The following PPFIBP1 variants were observed in gnomAD, a reference collection of about 807,000 sequenced individuals.
The protein encoded by PPFIBP1 is liprin-beta-1.
A neutral mutation model predicts 137.8 loss-of-function variants in PPFIBP1; 112 were observed. That is an observed-to-expected ratio of 0.81 (90% CI 0.70 to 0.95). The LOEUF (loss-of-function observed/expected upper bound fraction) is 0.95, where lower values mean the gene tolerates loss of function less well. PPFIBP1 is among the 40% of genes least tolerant of loss of function. The probability of loss-of-function intolerance (pLI) is 0.00; values close to 1 mark genes in which losing one functional copy is unlikely to be tolerated. For missense variants in PPFIBP1, 1,083 were observed against 1,196.6 expected (o/e 0.91, Z 1.40); for synonymous variants, 378 against 417.3 (o/e 0.91, Z 1.15).
intron 1 of PPFIBP1, among the ~76,000 whole-genome samples, chr12:27,550,275 T>C (rs1946630206): frequency 6.6e-6 from 1 of 152,320 alleles, no homozygotes; most frequent in South Asian, 2.1e-4. Flanking sequence ...TGAAGGGCTC[T>C]GGGTGCCCAT....
chr12:27,651,637 A>C lies in PPFIBP1; in HGVS notation c.603+1496A>C, dbSNP rs188050399. Among the ~76,000 whole-genome samples, 12 of 152,328 alleles carry C rather than the reference A, an allele frequency of 7.9e-5. No homozygotes were observed. In the East Asian group the frequency reaches 1.5e-3, roughly 20 times the overall value. On this transcript the variant is annotated intron_variant, in intron 7 of 29. Transcript: ENST00000228425. ...AGTAAAACTCAGTCAACAGATGGGC[A>C]ACATGGCAGTGGAGCTAGCTCTGCT...
intron 2 of PPFIBP1, among the ~76,000 whole-genome samples, chr12:27,611,028 C>G (rs144267628): frequency 6.6e-6 from 1 of 152,106 alleles, no homozygotes; most frequent in African/African-American, 2.4e-5. Flanking sequence ...AGGTCATTGC[C>G]AGATCTCTCA....
At chr12:27,671,802 TGG>T (rs1316963527) in intron 14 of PPFIBP1, among the ~76,000 whole-genome samples, 6 of 152,236 alleles carry the variant, frequency 3.9e-5, no homozygotes, top group African/African-American at 1.4e-4. Flanking sequence ...CCAAGTGTGG[TGG>T]CTCACGCCTG....
chr12:27,639,579 A>G (rs2057955702), intron 4 of PPFIBP1, among the ~76,000 whole-genome samples: 1 of 152,262 alleles, frequency 6.6e-6, no homozygotes, highest in Admixed American at 6.5e-5. Flanking sequence ...AATTACAAAA[A>G]TACAATTTTC....
chr12:27,675,426 A>G (rs2060457425), intron 17 of PPFIBP1, among the ~76,000 whole-genome samples: 1 of 152,236 alleles, frequency 6.6e-6, no homozygotes, highest in African/African-American at 2.4e-5. Flanking sequence ...AGAGTAAAAT[A>G]ACCACCTAAA....
rs779062987 is a variant in PPFIBP1 at position 27,647,887 on chromosome 12, T to C, written c.471+45T>C. Reference sequence around the variant, plus strand: ...CCAAGATGGGATTTCCCTGCTGAACTATGTGAGATGCTGCATTTCTATGTT... The same window carrying C: ...CCAAGATGGGATTTCCCTGCTGAACCATGTGAGATGCTGCATTTCTATGTT... On this transcript the variant is annotated intron_variant, in intron 6 of 29. Coordinates refer to ENST00000228425, the MANE Select transcript of PPFIBP1 (RefSeq NM_003622.4). 4.5e-6 allele frequency: 7 copies of C among 1,571,926 alleles called. No individual in the cohort carries two copies. In the South Asian group the frequency reaches 6.0e-5, roughly 14 times the overall value.
intron 21 of PPFIBP1, 105 bp from the exon 22 acceptor site, chr12:27,681,441 C>T (rs2060866266): frequency 2.3e-6 from 3 of 1,299,986 alleles, no homozygotes. Context: ...ATGTGTATCA[C>T]CAGGGAATTT....
At chr12:27,534,968 A>G (rs888957385) in intron 1 of PPFIBP1, among the ~76,000 whole-genome samples, 4 of 152,320 alleles carry the variant, frequency 2.6e-5, no homozygotes, top group African/African-American at 9.6e-5. Flanking sequence ...AGAATGTGGT[A>G]CTGAAAACCA....
chr12:27,658,138 GAAAAAAA>G, intron 9 of PPFIBP1, among the ~76,000 whole-genome samples: 1 of 123,002 alleles, frequency 8.1e-6, no homozygotes. Flanking sequence ...TCCTGTCTCT[GAAAAAAA>G]AAAAAAAAAA....
chr12:27,685,447 C>T (rs932668421), intron 24 of PPFIBP1, among the ~76,000 whole-genome samples: 1 of 152,196 alleles, frequency 6.6e-6, no homozygotes, highest in East Asian at 1.9e-4. Context: ...CAGGCTGTTT[C>T]AAGATCCCTG....
In PPFIBP1 at chr12:27,688,303, C is replaced by A. The variant is rs773698681; in HGVS notation, c.2376C>A (p.Thr792=). ...CTGGTTGTGTGTTCCCATAGAATAC[C>A]ATCGCCCCATCAGAAGTTCAGAAGT... The part of the protein sequence containing the change: ...CLRRRPSDEN[T]IAPSEVQKWT... The change falls in exon 26 of 30, where the codon ACC becomes ACA. Residue 792 remains threonine (T), a synonymous_variant. Coordinates refer to ENST00000228425, the MANE Select transcript of PPFIBP1 (RefSeq NM_003622.4). 1 of 1,613,526 alleles carries A rather than the reference C, an allele frequency of 6.2e-7. No individual in the cohort carries two copies. The highest frequency in any genetic ancestry group is 1.1e-5 in the South Asian group (1 of 90,972).
intron 1 of PPFIBP1, among the ~76,000 whole-genome samples, chr12:27,530,361 A>T (rs1944279687): frequency 6.6e-6 from 1 of 152,040 alleles, no homozygotes. Flanking sequence ...TGATCTTGCC[A>T]GGGCCATTTG....
chr12:27,673,921 T>G (rs2060350779), intron 16 of PPFIBP1, 94 bp downstream of exon 16: 4 of 1,109,690 alleles, frequency 3.6e-6, no homozygotes, highest in Non-Finnish European at 5.3e-6. Context: ...AATAAAACTC[T>G]TATGAAGAGC....
intron 2 of PPFIBP1, among the ~76,000 whole-genome samples, chr12:27,610,889 T>G (rs1312748033): frequency 2.0e-5 from 3 of 152,060 alleles, no homozygotes; most frequent in Admixed American, 6.5e-5. Flanking sequence ...TATTTTTCTT[T>G]TTTTTTTTGT....
chr12:27,594,067 A>C lies in PPFIBP1; in HGVS notation c.-36+15828A>C, dbSNP rs916010328. Reference sequence around the variant, plus strand: ...AGTTCAAAGGCACAAATCTCTCTCAACTTGAGAAGCTTCAAAAAAAGAAAA... The same window carrying C: ...AGTTCAAAGGCACAAATCTCTCTCACCTTGAGAAGCTTCAAAAAAAGAAAA... On this transcript the variant is annotated intron_variant, in intron 2 of 29. Transcript: ENST00000228425. 8 of 1,292,664 alleles carry C rather than the reference A, an allele frequency of 6.2e-6. No individual in the cohort carries two copies. The African/African-American group carries it at 1.1e-4, about 17-fold the overall frequency. The allele number at this position is 1,292,664 out of a possible 1,614,324, so 80.1% of individuals were successfully genotyped here.
chr12:27,651,868 T>C (rs1262898438), intron 7 of PPFIBP1, among the ~76,000 whole-genome samples: 2 of 152,338 alleles, frequency 1.3e-5, no homozygotes, highest in East Asian at 3.9e-4. Context: ...CTGCTTTTTT[T>C]AATCAAATCT....
chr12:27,610,901 T>C (rs1336304576), intron 2 of PPFIBP1, among the ~76,000 whole-genome samples: 1 of 151,998 alleles, frequency 6.6e-6, no homozygotes, highest in Non-Finnish European at 1.5e-5. Flanking sequence ...TTTTTTTGTA[T>C]CTATGGAAGT....
chr12:27,624,542 A>G (rs143237630), intron 2 of PPFIBP1, among the ~76,000 whole-genome samples: 3,927 of 152,362 alleles, frequency 0.026, 395 homozygotes, highest in Admixed American at 0.18. Flanking sequence ...GAGAGCCAGA[A>G]GGCTCATTTC....
Position 27,681,647 on chromosome 12 carries a change from T to C in PPFIBP1, c.1997T>C (p.Ile666Thr), listed in dbSNP as rs774876527. 23 of 1,614,086 alleles carry C rather than the reference T, an allele frequency of 1.4e-5. No individual in the cohort carries two copies. The highest frequency in any genetic ancestry group is 1.9e-5 in the Non-Finnish European group (22 of 1,180,034). ...TACCTGAATTCTGGCAAGCACTGGA[T>C]TGCATCTGGCCAAACGCTTTTGCAG... Reference protein sequence around the residue: ...GSYLNSGKHWIASGQTLLQAS... With the variant: ...GSYLNSGKHWTASGQTLLQAS... The change falls in exon 22 of 30, where the codon ATT becomes ACT. Residue 666 changes from isoleucine to threonine, a missense_variant. By Grantham distance (89) the Ile-to-Thr change is moderately conservative. Transcript: ENST00000228425.
Sources: gnomAD v4.1 joint callset for allele counts (sites outside exome capture counted in the v4.1 genomes callset) on GRCh38, gnomAD v4.1.1 for gene constraint, MANE v1.5 for transcripts, NCBI Gene and HGNC (gene_info 2026-07-23, HGNC 2026-07-21) for gene names.